The following PRKDC variants were observed in gnomAD, a reference collection of about 807,000 sequenced individuals.
PRKDC encodes the protein protein kinase, DNA-activated, catalytic subunit.
Under a neutral mutation model 486.9 loss-of-function variants are expected in PRKDC, and 82 were observed. The ratio of observed to expected loss-of-function variants is 0.17; its 90% CI spans 0.14 to 0.20. The LOEUF is 0.20. PRKDC is among the 10% of genes least tolerant of loss of function. PRKDC has a pLI of 1.00. For synonymous variants in PRKDC, 1,895 were observed against 1,837.0 expected (o/e 1.03, Z -0.81); for missense variants, 4,504 against 5,038.2 (o/e 0.89, Z 3.21).
chr8:47,778,208 T>TA (rs1589688718), intron 83 of PRKDC, among the ~76,000 whole-genome samples: 1 of 152,162 alleles, frequency 6.6e-6, no homozygotes, highest in Non-Finnish European at 1.5e-5. Flanking sequence ...AAAACTTTCT[T>TA]AGAGTCTTCC....
intron 56 of PRKDC, 74 bp from the exon 57 acceptor site, chr8:47,837,493 C>T: frequency 8.2e-7 from 1 of 1,222,716 alleles, no homozygotes; most frequent in Non-Finnish European, 1.2e-6. Flanking sequence ...ACAGGGTGTC[C>T]TGTGGAGAAG....
chr8:47,826,568 T>G, intron 63 of PRKDC, 88 bp downstream of exon 63: 1 of 1,310,380 alleles, frequency 7.6e-7, no homozygotes, highest in Non-Finnish European at 1.0e-6. Context: ...CTTTATTAGC[T>G]CATTTTCTGC....
intron 76 of PRKDC, among the ~76,000 whole-genome samples, chr8:47,788,093 A>G (rs1392718463): frequency 6.6e-6 from 1 of 152,262 alleles, no homozygotes; most frequent in Admixed American, 6.5e-5. Flanking sequence ...GAATAAAAGT[A>G]ATTTTGACAA....
At chr8:47,872,657 T>C (rs1351192760) in intron 40 of PRKDC, among the ~76,000 whole-genome samples, 4 of 151,922 alleles carry the variant, frequency 2.6e-5, no homozygotes, top group South Asian at 2.1e-4. Flanking sequence ...TCAGACAAAA[T>C]AGATTTCAAG....
intron 69 of PRKDC, chr8:47,805,121 A>C (rs1267976363): frequency 6.6e-6 from 1 of 152,180 alleles, no homozygotes; most frequent in African/African-American, 2.4e-5. Flanking sequence ...AGAATCAACA[A>C]AGAAATCTTA....
chr8:47,953,474 T>C, intron 7 of PRKDC, 146 bp downstream of exon 7: 3 of 755,282 alleles, frequency 4.0e-6, no homozygotes, highest in Non-Finnish European at 6.6e-6. Context: ...TCAGGGGAAC[T>C]CGGGAGGGCC....
rs2087885340 is a variant in PRKDC, at chr8:47,831,833, G to T, written c.8246C>A (p.Ala2749Asp). ...ACAAACCTTCTCTCGTTTTTGCTCAGCAACGCCTTTTCTGGCATACATCAA... is the reference window on the plus strand; with the variant it reads ...ACAAACCTTCTCTCGTTTTTGCTCATCAACGCCTTTTCTGGCATACATCAA... The part of the protein sequence containing the change: ...LSLMYARKGV[A>D]EQKREKEIKS... Residue 2749 changes from alanine to aspartate, a missense_variant, in exon 60 of 86, where the codon GCT (alanine) becomes GAT (aspartate). This residue lies in a region of PRKDC where 1,592 missense variants were observed against 1,724.6 expected (regional missense o/e 0.92). Coordinates refer to ENST00000314191, the MANE Select transcript of PRKDC (RefSeq NM_006904.7). 1 of 1,613,940 alleles carries T rather than the reference G, an allele frequency of 6.2e-7. No individual in the cohort carries two copies. The highest frequency in any genetic ancestry group is 8.5e-7 in the Non-Finnish European group (1 of 1,179,836).
intron 10 of PRKDC, among the ~76,000 whole-genome samples, chr8:47,941,884 A>T (rs2090450718): frequency 6.6e-6 from 1 of 152,234 alleles, no homozygotes; most frequent in Admixed American, 6.5e-5. Flanking sequence ...GTTTTCATTA[A>T]GAATTGGAGT....
In PRKDC at chr8:47,892,613, G is replaced by C. The variant is rs936143668; in HGVS notation, c.3847+526C>G. Among the ~76,000 whole-genome samples, 6 of 152,296 alleles carry C rather than the reference G, an allele frequency of 3.9e-5. No homozygotes were observed. In the Middle Eastern group the frequency reaches 0.01, roughly 259 times the overall value. On this transcript the variant is annotated intron_variant, in intron 31 of 85. Transcript: ENST00000314191. Reference sequence around the variant, plus strand: ...CCCAAAGTGCTGGGATTACAGGAGAGAGCCTCTGCACCCAGCCAAGGAATC... The same window carrying C: ...CCCAAAGTGCTGGGATTACAGGAGACAGCCTCTGCACCCAGCCAAGGAATC...
chr8:47,779,296 C>T (rs1454085354), intron 80 of PRKDC: 1 of 460,766 alleles, frequency 2.2e-6, no homozygotes, highest in African/African-American at 2.0e-5. Flanking sequence ...TTCTTAATTA[C>T]TCCTAAAGAA....
intron 83 of PRKDC, 65 bp from the exon 84 acceptor site, chr8:47,777,939 A>C: frequency 7.0e-7 from 1 of 1,431,002 alleles, no homozygotes; most frequent in Non-Finnish European, 9.7e-7. Flanking sequence ...CCGAGCACAA[A>C]TGGCAGCATC....
chr8:47,819,285 T>C (rs1589718556), intron 67 of PRKDC, 117 bp downstream of exon 67: 2 of 616,738 alleles, frequency 3.2e-6, no homozygotes, highest in South Asian at 2.4e-5. Flanking sequence ...GGAAATTCGA[T>C]GGAGTTTCCA....
chr8:47,837,089 CT>C, intron 57 of PRKDC, 122 bp downstream of exon 57: 1 of 1,131,514 alleles, frequency 8.8e-7, no homozygotes, highest in Non-Finnish European at 1.2e-6. Flanking sequence ...CGAGCCTTCC[CT>C]TTCCTTTTCA....
intron 67 of PRKDC, among the ~76,000 whole-genome samples, chr8:47,819,043 C>T (rs1031972188): frequency 2.6e-5 from 4 of 152,182 alleles, no homozygotes; most frequent in African/African-American, 9.7e-5. Flanking sequence ...TCTGCAAGCC[C>T]CTGCCTCTTC....
intron 21 of PRKDC, chr8:47,926,910 G>A (rs2090166121): frequency 3.5e-6 from 1 of 286,750 alleles, no homozygotes; most frequent in Non-Finnish European, 6.4e-6. Context: ...TGTATTAGGA[G>A]TCATAAAAAT....
chr8:47,852,329 A>C (rs2088427259), intron 52 of PRKDC, among the ~76,000 whole-genome samples: 1 of 152,212 alleles, frequency 6.6e-6, no homozygotes, highest in Admixed American at 6.5e-5. Context: ...GGGGGAGGAC[A>C]GCAGCTATCT....
At chr8:47,825,640 A>G (rs1039443923) in intron 63 of PRKDC, among the ~76,000 whole-genome samples, 1 of 152,186 alleles carries the variant, frequency 6.6e-6, no homozygotes, top group Non-Finnish European at 1.5e-5. Flanking sequence ...AGGCCCTTAA[A>G]AGTTGTTTGC....
chr8:47,823,660 A>G (rs1318115049), intron 64 of PRKDC, among the ~76,000 whole-genome samples, 198 bp downstream of exon 64: 1 of 152,152 alleles, frequency 6.6e-6, no homozygotes, highest in Non-Finnish European at 1.5e-5. Flanking sequence ...GAGAAATAAT[A>G]TACAGTTTCA....
At chr8:47,839,979 A>C in intron 55 of PRKDC, 37 bp downstream of exon 55, 2 of 1,483,538 alleles carry the variant, frequency 1.3e-6, no homozygotes, top group Non-Finnish European at 1.8e-6. Flanking sequence ...CTTATCTCAA[A>C]AAAGTAACAA....
Sources: allele counts gnomAD v4.1 joint callset (sites outside exome capture counted in the v4.1 genomes callset), GRCh38; gene constraint gnomAD v4.1.1; regional missense constraint gnomAD v4.1.1; transcripts MANE v1.5; gene names NCBI Gene and HGNC (gene_info 2026-07-23, HGNC 2026-07-21).